Variants in MATK observed in about 807,000 individuals in gnomAD.
MATK encodes the protein megakaryocyte-associated tyrosine-protein kinase.
In MATK, 41 loss-of-function variants were observed where a neutral mutation model predicts 59.8. That is an observed-to-expected ratio of 0.69 (90% CI 0.53 to 0.89). The LOEUF is 0.89. MATK is among the 40% of genes least tolerant of loss of function. MATK has a pLI of 0.00. For missense variants in MATK, 593 were observed against 719.6 expected (o/e 0.82, Z 2.01); for synonymous variants, 308 against 306.1 (o/e 1.01, Z -0.06).
intron 12 of MATK, 107 bp downstream of exon 12, chr19:3,778,885 T>A: frequency 8.6e-7 from 1 of 1,165,346 alleles, no homozygotes; most frequent in Non-Finnish European, 1.2e-6. Flanking sequence ...TGGGGAGGCA[T>A]AGCCATTGCC....
rs1337135494 is a variant in MATK, at chr19:3,784,192, C to A, written c.294G>T (p.Gly98=). Residue 98 remains glycine (G), a synonymous_variant, in exon 5 of 14, where the codon GGG becomes GGT. Coordinates refer to ENST00000310132, the MANE Select transcript of MATK (RefSeq NM_139355.3). Reference sequence around the variant, plus strand: ...CCCGCAGCGCCCCAGCTGCCAGCAGCCCCTCCTGTCCACTGGTGTGGTGCT... The same window carrying A: ...CCCGCAGCGCCCCAGCTGCCAGCAGACCCTCCTGTCCACTGGTGTGGTGCT... ...RVKHHTSGQE[G]LLAAGALRER... 5 of 1,613,630 alleles carry A rather than the reference C, an allele frequency of 3.1e-6. No individual in the cohort carries two copies. The highest frequency in any genetic ancestry group is 2.2e-5 in the East Asian group (1 of 44,850).
upstream of MATK, among the ~76,000 whole-genome samples, chr19:3,791,159 A>G (rs1449270091): frequency 6.6e-6 from 1 of 152,140 alleles, no homozygotes; most frequent in Non-Finnish European, 1.5e-5. Context: ...GGGAGTTAAA[A>G]TTAACAGACT....
upstream of MATK, among the ~76,000 whole-genome samples, chr19:3,790,667 G>A (rs1287464479): frequency 6.6e-6 from 1 of 152,020 alleles, no homozygotes; most frequent in Non-Finnish European, 1.5e-5. Context: ...AAGTTTCCAC[G>A]CCTTTGCACT....
At chr19:3,798,238 C>G (rs2037612715) in intron 1 of MATK, among the ~76,000 whole-genome samples, 1 of 151,946 alleles carries the variant, frequency 6.6e-6, no homozygotes, top group Non-Finnish European at 1.5e-5. Flanking sequence ...CCCTCTTTGT[C>G]TCTCCTTCAG....
intron 5 of MATK, 33 bp downstream of exon 5, chr19:3,784,091 C>T (rs970748225): frequency 4.4e-6 from 7 of 1,592,110 alleles, no homozygotes; most frequent in East Asian, 2.3e-5. Context: ...CACTTGCTGT[C>T]CCCTACCCCA....
chr19:3,784,205 C>T lies in MATK; in HGVS notation c.281G>A (p.Ser94Asn), dbSNP rs2037444870. Residue 94 changes from serine to asparagine, a missense_variant, in exon 5 of 14, where the codon AGT becomes AAT. Ser to Asn is a conservative substitution (Grantham distance 46). Coordinates refer to ENST00000310132, the MANE Select transcript of MATK (RefSeq NM_139355.3). ...KSWYRVKHHTSGQEGLLAAGA... is the reference protein window; with the variant it reads ...KSWYRVKHHTNGQEGLLAAGA... ...AGCTGCCAGCAGCCCCTCCTGTCCACTGGTGTGGTGCTTGACGCGGTACCA... is the reference window on the plus strand; with the variant it reads ...AGCTGCCAGCAGCCCCTCCTGTCCATTGGTGTGGTGCTTGACGCGGTACCA... The T allele has an allele frequency of 6.2e-7, 1 of 1,613,582 alleles. No individual in the cohort carries two copies. The highest frequency in any genetic ancestry group is 1.3e-5 in the African/African-American group (1 of 74,934).
rs777409353 is a variant in MATK, at chr19:3,779,806, T to C, written c.743-9A>G. 27 of 1,519,204 alleles carry C rather than the reference T, an allele frequency of 1.8e-5. No individual in the cohort carries two copies. In the Admixed American group the frequency reaches 4.5e-4, roughly 25 times the overall value. 94.1% of individuals were successfully genotyped at this position (1,519,204 alleles called of 1,614,324 possible). ...CTCACCCTGCAGGACAGCTGGGGGGTGGGGGTGGGGAACGGGGTGAGATCA... is the reference window on the plus strand; with the variant it reads ...CTCACCCTGCAGGACAGCTGGGGGGCGGGGGTGGGGAACGGGGTGAGATCA... On this transcript the variant is annotated splice_polypyrimidine_tract_variant and intron_variant, in intron 8 of 13. Transcript: ENST00000310132.
At chr19:3,784,516 G>A (rs935041553) in intron 3 of MATK, 65 bp from the exon 4 acceptor site, 16 of 1,169,928 alleles carry the variant, frequency 1.4e-5, no homozygotes, top group East Asian at 7.5e-5. Flanking sequence ...GCAGAGGCAC[G>A]GGAGGGGAAA....
At position 3,801,530 on chromosome 19, in the gene MATK, A is replaced by T. The variant is rs952046295; in HGVS notation, c.-58+2T>A. On this transcript the variant is annotated splice_donor_variant, in intron 1 of 13. Coordinates refer to the MATK transcript ENST00000395045. LOFTEE classifies it low-confidence loss of function (5UTR_SPLICE). ...CGCCCGGTACATCCCGCCTACACTC[A>T]CCGATGTCGCCTAGCAACCCGGCTC... 1 of 152,046 alleles carries T rather than the reference A, an allele frequency of 6.6e-6. No individual in the cohort carries two copies. The highest frequency in any genetic ancestry group is 1.5e-5 in the Non-Finnish European group (1 of 68,070). The allele number at this position is 152,046 out of a possible 1,614,324, so 9.4% of individuals were successfully genotyped here. A position where few individuals can be genotyped will look rare whatever the true frequency, so the allele number is the denominator to read the frequency against.
Position 3,781,701 on chromosome 19 carries a change from T to TA in MATK, c.677-30dup, listed in dbSNP as rs768703161. ...TGGAGTGAAGACCCAGTCAGAGGGGTAATGGGCCCCCTAAATCCTCCCATT... is the reference window on the plus strand; with the variant it reads ...TGGAGTGAAGACCCAGTCAGAGGGGTAAATGGGCCCCCTAAATCCTCCCATT... On this transcript the variant is annotated intron_variant, in intron 7 of 13. Transcript: ENST00000310132. 1.6e-5 allele frequency: 26 copies of TA among 1,590,244 alleles called. No homozygotes were observed. The South Asian group carries it at 2.8e-4, about 17-fold the overall frequency.
chr19:3,778,677 G>GA, intron 12 of MATK, 82 bp from the exon 13 acceptor site: 1 of 1,446,320 alleles, frequency 6.9e-7, no homozygotes, highest in Non-Finnish European at 9.4e-7. Flanking sequence ...AGCCCTCCTG[G>GA]GTTGACCCTC....
At chr19:3,783,346 T>C in intron 6 of MATK, 127 bp from the exon 7 acceptor site, 2 of 706,046 alleles carry the variant, frequency 2.8e-6, no homozygotes, top group Non-Finnish European at 5.0e-6. Flanking sequence ...CTGGTTTCCA[T>C]AGGAACGGGA....
intron 1 of MATK, among the ~76,000 whole-genome samples, chr19:3,797,491 T>C (rs975647119): frequency 6.6e-6 from 1 of 151,732 alleles, no homozygotes; most frequent in African/African-American, 2.4e-5. Flanking sequence ...TCACTATGTT[T>C]CCCAGGCTGG....
chr19:3,778,665 G>A, intron 12 of MATK, 70 bp from the exon 13 acceptor site: 1 of 1,511,192 alleles, frequency 6.6e-7, no homozygotes, highest in Non-Finnish European at 9.0e-7. Flanking sequence ...CTTCCTCCAG[G>A]AAGCCCTCCT....
chr19:3,794,779 A>G (rs2145114865), intron 1 of MATK, among the ~76,000 whole-genome samples: 1 of 152,200 alleles, frequency 6.6e-6, no homozygotes, highest in South Asian at 2.1e-4. Flanking sequence ...TCATCCTCTC[A>G]TGACCTCATG....
At chr19:3,781,750 T>A in intron 7 of MATK, 78 bp from the exon 8 acceptor site, 2 of 1,123,220 alleles carry the variant, frequency 1.8e-6, no homozygotes, top group African/African-American at 1.5e-5. Context: ...GGTGAGAGAC[T>A]AGGTGATGTC....
chr19:3,791,349 CACT>C (rs2037539821), upstream of MATK, among the ~76,000 whole-genome samples: 11 of 149,918 alleles, frequency 7.3e-5, no homozygotes, highest in African/African-American at 2.7e-4. Flanking sequence ...CACCTCCCCC[CACT>C]TTTTTTTTTT....
At chr19:3,785,398 T>C in intron 1 of MATK, 112 bp from the exon 2 acceptor site, 6 of 681,812 alleles carry the variant, frequency 8.8e-6, no homozygotes, top group South Asian at 5.8e-5. Context: ...GTAGCCCTGC[T>C]GGGCTCCTCC....
At chr19:3,794,202 C>G (rs1354436169) in intron 1 of MATK, among the ~76,000 whole-genome samples, 1 of 152,226 alleles carries the variant, frequency 6.6e-6, no homozygotes, top group African/African-American at 2.4e-5. Flanking sequence ...ACCTGTTATC[C>G]TGTCTCACTC....
Sources: gnomAD v4.1 joint callset for allele counts (sites outside exome capture counted in the v4.1 genomes callset) on GRCh38, gnomAD v4.1.1 for gene constraint, MANE v1.5 for transcripts, NCBI Gene and HGNC (gene_info 2026-07-23, HGNC 2026-07-21) for gene names.